Variants in LARGE1 observed in about 807,000 individuals in gnomAD.
The protein encoded by LARGE1 is xylosyl- and glucuronyltransferase LARGE1.
In LARGE1, 43 loss-of-function variants were observed where a neutral mutation model predicts 87.6. That is an observed-to-expected ratio of 0.49 (90% CI 0.38 to 0.63). LARGE1 has a LOEUF of 0.63. Among genes scored for constraint, LARGE1 ranks in the 30% least tolerant of loss-of-function variants. The pLI is 0.00. For missense variants in LARGE1, 802 were observed against 1,000.2 expected, an observed-to-expected ratio of 0.80 and a Z score of 2.67; for synonymous variants, 434 against 394.6, an observed-to-expected ratio of 1.10 and a Z score of -1.18.
chr22:33,235,836 G>A (rs1260672655), intron 11 of LARGE1, among the ~76,000 whole-genome samples: 1 of 152,148 alleles, frequency 6.6e-6, no homozygotes, highest in East Asian at 1.9e-4. Flanking sequence ...GTTATACTGG[G>A]TAGAAAATGT....
Position 33,686,617 on chromosome 22 carries a change from C to T in LARGE1, c.107-35949G>A, listed in dbSNP as rs569555037. 4.6e-5 allele frequency among the ~76,000 whole-genome samples: 7 copies of T among 151,992 alleles called. No individual in the cohort carries two copies. The East Asian group carries it at 9.7e-4, about 21-fold the overall frequency. Reference sequence around the variant, plus strand: ...AGCCTGCACAGGTATCACAACATACCCCCAAATCCAAACACTACTCAGCAT... The same window carrying T: ...AGCCTGCACAGGTATCACAACATACTCCCAAATCCAAACACTACTCAGCAT... On this transcript the variant is annotated intron_variant, in intron 2 of 14. Transcript: ENST00000397394.
the LARGE1 span, among the ~76,000 whole-genome samples, chr22:33,117,105 C>T: frequency 2.0e-5 from 3 of 152,226 alleles, no homozygotes; most frequent in Non-Finnish European, 4.4e-5. Context: ...GTTCGCATAT[C>T]TTCTTGCTGT....
chr22:33,391,411 CTG>C (rs1480683288), intron 7 of LARGE1, among the ~76,000 whole-genome samples: 1 of 152,030 alleles, frequency 6.6e-6, no homozygotes. Context: ...GGTAAACTGA[CTG>C]TGTCTCAGGG....
chr22:33,627,039 T>C (rs948914756), intron 3 of LARGE1, among the ~76,000 whole-genome samples: 4 of 152,208 alleles, frequency 2.6e-5, no homozygotes, highest in African/African-American at 9.6e-5. Flanking sequence ...GAGGGGAATA[T>C]GCTGCCCACC....
chr22:33,084,952 T>C, the LARGE1 span, among the ~76,000 whole-genome samples: 1 of 152,214 alleles, frequency 6.6e-6, no homozygotes, highest in Admixed American at 6.5e-5. Flanking sequence ...ATTTTATCTA[T>C]ATTTAGATTT....
At chr22:33,134,806 T>C in the LARGE1 span, among the ~76,000 whole-genome samples, 2 of 152,128 alleles carry the variant, frequency 1.3e-5, no homozygotes, top group Non-Finnish European at 2.9e-5. Flanking sequence ...AAACTGATCA[T>C]TGTAGAGTGA....
intron 3 of LARGE1, among the ~76,000 whole-genome samples, chr22:33,632,991 G>A (rs240600): frequency 0.48 from 73,082 of 151,980 alleles, 20,251 homozygotes; most frequent in Middle Eastern, 0.66. Flanking sequence ...TGATGATACA[G>A]GTAAGGTAGT....
chr22:33,856,837 G>A (rs1050759870), intron 1 of LARGE1: 8 of 152,138 alleles, frequency 5.3e-5, no homozygotes, highest in African/African-American at 1.9e-4. Flanking sequence ...AAGGTTAGTT[G>A]TCAGATGAAC....
intron 7 of LARGE1, among the ~76,000 whole-genome samples, chr22:33,394,411 G>C (rs909696641): frequency 4.6e-5 from 7 of 152,122 alleles, no homozygotes; most frequent in African/African-American, 1.7e-4. Context: ...TGTTGGCCAG[G>C]CTGGTCTCGA....
chr22:33,185,610 G>A (rs61080653), intron 11 of LARGE1, among the ~76,000 whole-genome samples: 18,455 of 152,074 alleles, frequency 0.12, 1,250 homozygotes, highest in East Asian at 0.21. Flanking sequence ...ATGTACCACC[G>A]TGGCATGAGA....
At chr22:33,087,626 A>G in the LARGE1 span, among the ~76,000 whole-genome samples, 642 of 152,324 alleles carry the variant, frequency 4.2e-3, 3 homozygotes, top group African/African-American at 0.014. Context: ...TTTAAAATTT[A>G]AATCTAAATT....
intron 2 of LARGE1, among the ~76,000 whole-genome samples, chr22:33,710,009 T>TCATCATC (rs1449589106): frequency 6.7e-6 from 1 of 149,630 alleles, no homozygotes; most frequent in East Asian, 2.0e-4. Context: ...AAGGAAAACT[T>TCATCATC]CATCATCACC....
chr22:33,717,809 C>G (rs915083353), intron 2 of LARGE1, among the ~76,000 whole-genome samples: 12 of 152,206 alleles, frequency 7.9e-5, no homozygotes, highest in African/African-American at 2.9e-4. Flanking sequence ...CCTGAAATCT[C>G]ATTTCAAATG....
chr22:33,289,737 CA>C (rs1418722640), intron 12 of LARGE1, among the ~76,000 whole-genome samples: 1 of 152,136 alleles, frequency 6.6e-6, no homozygotes, highest in Non-Finnish European at 1.5e-5. Flanking sequence ...GTGTTGCTCA[CA>C]GAGTAAATTC....
chr22:33,160,637 T>C (rs997392526), downstream of LARGE1, among the ~76,000 whole-genome samples: 8 of 152,216 alleles, frequency 5.3e-5, no homozygotes, highest in Non-Finnish European at 8.8e-5. Context: ...TTAACACTTT[T>C]AGTGGCAGTC....
chr22:33,314,427 G>A (rs555898616), intron 11 of LARGE1, among the ~76,000 whole-genome samples: 2 of 152,210 alleles, frequency 1.3e-5, no homozygotes, highest in South Asian at 2.1e-4. Context: ...TGCCTCCAGC[G>A]CCAGGTTCCT....
chr22:33,306,227 G>T (rs746316038), intron 11 of LARGE1, among the ~76,000 whole-genome samples: 22 of 152,164 alleles, frequency 1.4e-4, no homozygotes, highest in Non-Finnish European at 2.5e-4. Flanking sequence ...TGCTGTGGGG[G>T]CCTGCCCTCT....
the LARGE1 span, among the ~76,000 whole-genome samples, chr22:33,075,895 C>T: frequency 2.6e-5 from 4 of 152,092 alleles, no homozygotes; most frequent in South Asian, 2.1e-4. Flanking sequence ...CCAGATAAGA[C>T]GATGTCATGC....
intron 9 of LARGE1, among the ~76,000 whole-genome samples, chr22:33,365,566 T>C (rs1265246260): frequency 6.6e-6 from 1 of 152,172 alleles, no homozygotes; most frequent in Non-Finnish European, 1.5e-5. Context: ...ATATTTTGTT[T>C]AGTGCTCTCT....
Sources: allele counts gnomAD v4.1 joint callset (sites outside exome capture counted in the v4.1 genomes callset), GRCh38; gene constraint gnomAD v4.1.1; transcripts MANE v1.5; gene names NCBI Gene and HGNC (gene_info 2026-07-23, HGNC 2026-07-21).